The following ATP1A1 variants were observed in gnomAD, a reference collection of about 807,000 sequenced individuals.
ATP1A1 encodes the protein sodium/potassium-transporting ATPase subunit alpha-1.
A neutral mutation model predicts 114.8 loss-of-function variants in ATP1A1; 14 were observed. The observed-to-expected ratio is 0.12, with a 90% confidence interval of 0.08 to 0.19. ATP1A1 has a LOEUF of 0.19. Ranked by LOEUF, ATP1A1 falls within the 10% of genes least tolerant of loss-of-function variation. ATP1A1 has a pLI of 1.00. For missense variants in ATP1A1, 524 were observed against 1,290.7 expected (o/e 0.41, Z 9.10); for synonymous variants, 471 against 466.3 (o/e 1.01, Z -0.13).
In ATP1A1 at chr1:116,387,217, G is replaced by C; in HGVS notation, c.184-71G>C. ...CTTAAATCCTTATTGCAACCGTCCAGCTACCAGGTAGGTATATTGCCTTGT... is the reference window on the plus strand; with the variant it reads ...CTTAAATCCTTATTGCAACCGTCCACCTACCAGGTAGGTATATTGCCTTGT... On this transcript the variant is annotated intron_variant, in intron 3 of 22. Coordinates refer to ENST00000295598, the MANE Select transcript of ATP1A1 (RefSeq NM_000701.8). This position sits in a 1 kb window ranked among gnomAD's most constrained non-coding sequence, Gnocchi z 6.7. 1 of 1,550,238 alleles carries C rather than the reference G, an allele frequency of 6.5e-7. No individual in the cohort carries two copies. The highest frequency in any genetic ancestry group is 8.9e-7 in the Non-Finnish European group (1 of 1,129,772).
At position 116,404,739 on chromosome 1, in the gene ATP1A1, G is replaced by T; in HGVS notation, c.*295G>T. The T allele has an allele frequency of 8.4e-7, 1 of 1,184,038 alleles. No individual in the cohort carries two copies. Among genetic ancestry groups the T allele is most frequent in the Non-Finnish European group, 1.0e-6 (1 of 959,304 alleles). 73.3% of individuals were successfully genotyped at this position (1,184,038 alleles called of 1,614,324 possible). A position where few individuals can be genotyped will look rare whatever the true frequency, so the allele number is the denominator to read the frequency against. On this transcript the variant is annotated 3_prime_UTR_variant, in exon 23 of 23. Transcript: ENST00000295598. This position sits in a 1 kb window ranked among gnomAD's most constrained non-coding sequence, Gnocchi z 4.8. ...GACTGAAAGAATACATTTTATATCT[G>T]GATTTTTACAAATAAAGATGGCTAT...
chr1:116,403,953 C>A lies in ATP1A1; in HGVS notation c.3021C>A (p.Leu1007=). The A allele has an allele frequency of 2.5e-6, 4 of 1,614,226 alleles. No individual in the cohort carries two copies. In the South Asian group the frequency reaches 4.4e-5, roughly 18 times the overall value. Residue 1007 remains leucine, a synonymous_variant, in exon 22 of 23, where the codon CTC becomes CTA. Transcript: ENST00000295598. ...LIFVYDEVRK[L]IIRRRPGGWV... ...TCGTATATGACGAAGTCAGAAAACT[C>A]ATCATCAGGCGACGCCCTGGCGGTA... is the stretch of plus-strand genomic sequence containing the variant.
At position 116,395,327 on chromosome 1, in the gene ATP1A1, T is replaced by C; in HGVS notation, c.1836+42T>C. ...TCCTTGGCTTCATCTCTTAGTGCCT[T>C]GGGACACCCTACTCAGTGAATGTTG... On this transcript the variant is annotated intron_variant, in intron 13 of 22. Coordinates refer to ENST00000295598, the MANE Select transcript of ATP1A1 (RefSeq NM_000701.8). This position sits in a 1 kb window ranked among gnomAD's most constrained non-coding sequence, Gnocchi z 6.4. 1 of 1,602,966 alleles carries C rather than the reference T, an allele frequency of 6.2e-7. No individual in the cohort carries two copies. Among genetic ancestry groups the C allele is most frequent in the Non-Finnish European group, 8.5e-7 (1 of 1,174,310 alleles).
chr1:116,393,849 G>A lies in ATP1A1; in HGVS notation c.1660+126G>A, dbSNP rs1652676069. On this transcript the variant is annotated intron_variant, in intron 12 of 22. Coordinates refer to ENST00000295598, the MANE Select transcript of ATP1A1 (RefSeq NM_000701.8). This position sits in a 1 kb window ranked among gnomAD's most constrained non-coding sequence, Gnocchi z 5.0. Reference sequence around the variant, plus strand: ...GTTGACCTTCCTCTACATCTTTTAGGGGCAATCCTCCTATTTGTTTATTTG... The same window carrying A: ...GTTGACCTTCCTCTACATCTTTTAGAGGCAATCCTCCTATTTGTTTATTTG... 3.3e-6 allele frequency: 3 copies of A among 918,564 alleles called. No homozygotes were observed. The highest frequency in any genetic ancestry group is 6.0e-5 in the Admixed American group (2 of 33,130). 56.9% of individuals were successfully genotyped at this position (918,564 alleles called of 1,614,324 possible).
chr1:116,396,738 A>C lies in ATP1A1; in HGVS notation c.1973+4A>C. ...CAGTCAGCCAGGTGAACCCCAGGTA[A>C]GGCAGGAAGCTCAAATCACAGTCTG... On this transcript the variant is annotated splice_donor_region_variant and intron_variant, in intron 14 of 22. Transcript: ENST00000295598. 6.4e-7 allele frequency: 1 copy of C among 1,567,964 alleles called. No homozygotes were observed. The highest frequency in any genetic ancestry group is 8.7e-7 in the Non-Finnish European group (1 of 1,154,392).
chr1:116,384,080 A>C lies in ATP1A1; in HGVS notation c.79A>C (p.Lys27Gln), dbSNP rs906254720. 29 of 1,613,982 alleles carry C rather than the reference A, an allele frequency of 1.8e-5. No homozygotes were observed. The highest frequency in any genetic ancestry group is 2.3e-5 in the Non-Finnish European group (27 of 1,179,970). Reference protein sequence around the residue: ...EQGDKKGKKGKKDRDMDELKK... With the variant: ...EQGDKKGKKGQKDRDMDELKK... ...AGGTGATAAAAAGGGCAAAAAGGGC[A>C]AAAAAGACAGGGACATGGATGAACT... is the stretch of plus-strand genomic sequence containing the variant. Residue 27 changes from lysine to glutamine, a missense_variant, in exon 2 of 23, where the codon AAA (lysine) becomes CAA (glutamine). By Grantham distance (53) the Lys-to-Gln change is moderately conservative (BLOSUM62 1). Coordinates refer to ENST00000295598, the MANE Select transcript of ATP1A1 (RefSeq NM_000701.8). This position sits in a 1 kb window ranked among gnomAD's most constrained non-coding sequence, Gnocchi z 5.1.
intron 1 of ATP1A1, chr1:116,374,080 G>C (rs1651188034): frequency 3.5e-6 from 5 of 1,426,390 alleles, no homozygotes; most frequent in Non-Finnish European, 4.6e-6. Flanking sequence ...CAGCCTCCGG[G>C]TTCGGGGCTC....
chr1:116,376,807 G>T (rs1037633896), intron 1 of ATP1A1, among the ~76,000 whole-genome samples: 7 of 152,168 alleles, frequency 4.6e-5, no homozygotes, highest in Non-Finnish European at 1.0e-4. Context: ...AAAAAAAGAT[G>T]CCTTTAAAAA....
intron 1 of ATP1A1, among the ~76,000 whole-genome samples, 189 bp from the exon 2 acceptor site, chr1:116,383,825 T>G (rs1384725417): frequency 2.6e-5 from 4 of 152,224 alleles, no homozygotes; most frequent in Non-Finnish European, 4.4e-5. Flanking sequence ...CTTGAGCCAA[T>G]GTATTAATAG....
intron 1 of ATP1A1, chr1:116,374,045 G>A (rs1269307767): frequency 7.1e-7 from 1 of 1,401,234 alleles, no homozygotes. Context: ...CTCCGTTCCC[G>A]CCGCGGCCCC....
chr1:116,381,177 T>G lies in ATP1A1; in HGVS notation c.13-2837T>G, dbSNP rs1403274067. 6.6e-6 allele frequency among the ~76,000 whole-genome samples: 1 copy of G among 152,198 alleles called. No homozygotes were observed. Among genetic ancestry groups the G allele is most frequent in the Non-Finnish European group, 1.5e-5 (1 of 68,030 alleles). On this transcript the variant is annotated intron_variant, in intron 1 of 22. Transcript: ENST00000295598. The surrounding 1 kb of genome is among the most constrained non-coding windows in gnomAD (Gnocchi z 5.1). ...GCCCAGATGAGTGGGAAGATTACTG[T>G]AGTTGATTGAGGAAATGCCGTATTT...
At position 116,397,887 on chromosome 1, in the gene ATP1A1, G is replaced by T; in HGVS notation, c.1974-1G>T. The T allele has an allele frequency of 6.3e-7, 1 of 1,591,168 alleles. No individual in the cohort carries two copies. ...TTTTTTTTTTTTTGTCCTAATTCTA[G>T]GGATGCCAAGGCCTGCGTAGTACAC... On this transcript the variant is annotated splice_acceptor_variant, in intron 14 of 22. Transcript: ENST00000295598. LOFTEE classifies it high-confidence loss of function. This position sits in a 1 kb window ranked among gnomAD's most constrained non-coding sequence, Gnocchi z 4.2.
chr1:116,384,889 A>T lies in ATP1A1; in HGVS notation c.183+47A>T. On this transcript the variant is annotated intron_variant, in intron 3 of 22. Coordinates refer to ENST00000295598, the MANE Select transcript of ATP1A1 (RefSeq NM_000701.8). The surrounding 1 kb of genome is among the most constrained non-coding windows in gnomAD (Gnocchi z 5.1). ...GTTGTACAAAATCCTAGTTTTCCGT[A>T]TTATATTTTCCCCTGTATTACATAC... 6.3e-7 allele frequency: 1 copy of T among 1,587,546 alleles called. No individual in the cohort carries two copies. The highest frequency in any genetic ancestry group is 8.6e-7 in the Non-Finnish European group (1 of 1,156,098).
Position 116,399,607 on chromosome 1 carries a change from T to G in ATP1A1, c.2572+64T>G, listed in dbSNP as rs992835463. On this transcript the variant is annotated intron_variant, in intron 18 of 22. Transcript: ENST00000295598. This position sits in a 1 kb window ranked among gnomAD's most constrained non-coding sequence, Gnocchi z 5.0. Reference sequence around the variant, plus strand: ...GGCATCTGAGGTGATGGTGTCCACCTCAGGTTGAGGTTGATTTCAGAGACT... The same window carrying G: ...GGCATCTGAGGTGATGGTGTCCACCGCAGGTTGAGGTTGATTTCAGAGACT... The G allele has an allele frequency of 3.7e-5, 59 of 1,600,086 alleles. No individual in the cohort carries two copies. Among genetic ancestry groups the G allele is most frequent in the Non-Finnish European group, 4.9e-5 (57 of 1,172,478 alleles).
At position 116,393,472 on chromosome 1, in the gene ATP1A1, C is replaced by A. The variant is rs1463627052; in HGVS notation, c.1468-59C>A. Reference sequence around the variant, plus strand: ...AAATAGTAAGTGAAGCTTTGTTTTCCACCATGGACTGCCACACATCCAACC... The same window carrying A: ...AAATAGTAAGTGAAGCTTTGTTTTCAACCATGGACTGCCACACATCCAACC... On this transcript the variant is annotated intron_variant, in intron 11 of 22. Transcript: ENST00000295598. This position sits in a 1 kb window ranked among gnomAD's most constrained non-coding sequence, Gnocchi z 5.0. 6.6e-6 allele frequency: 10 copies of A among 1,518,680 alleles called. No individual in the cohort carries two copies. The highest frequency in any genetic ancestry group is 2.6e-5 in the South Asian group (2 of 77,784). The allele number at this position is 1,518,680 out of a possible 1,614,324, so 94.1% of individuals were successfully genotyped here. A position where few individuals can be genotyped will look rare whatever the true frequency, so the allele number is the denominator to read the frequency against.
chr1:116,387,526 ACAC>A lies in ATP1A1; in HGVS notation c.387+36_387+38del, dbSNP rs1652180308. 5 of 1,605,192 alleles carry A rather than the reference ACAC, an allele frequency of 3.1e-6. No individual in the cohort carries two copies. The highest frequency in any genetic ancestry group is 4.3e-6 in the Non-Finnish European group (5 of 1,172,382). On this transcript the variant is annotated intron_variant, in intron 4 of 22. Transcript: ENST00000295598. This position sits in a 1 kb window ranked among gnomAD's most constrained non-coding sequence, Gnocchi z 6.7. ...GTAATTCAGCATATGGATTTGTAGT[ACAC>A]ATCAGATATCTTCTCCGTCTTTGTC...
At chr1:116,374,449 A>G (rs907858171) in intron 1 of ATP1A1, among the ~76,000 whole-genome samples, 4 of 152,108 alleles carry the variant, frequency 2.6e-5, no homozygotes, top group African/African-American at 9.7e-5. Context: ...GGTGGTAGGA[A>G]TCTCTGCCGG....
chr1:116,404,508 T>C lies in ATP1A1; in HGVS notation c.*64T>C. The C allele has an allele frequency of 3.2e-6, 5 of 1,562,854 alleles. No individual in the cohort carries two copies. Among genetic ancestry groups the C allele is most frequent in the Non-Finnish European group, 4.3e-6 (5 of 1,160,666 alleles). ...CTCTGCATCCGACACCCACCCCCTC[T>C]TTGTGTACTTCAGTCTTGGAGTTTG... is the stretch of plus-strand genomic sequence containing the variant. On this transcript the variant is annotated 3_prime_UTR_variant, in exon 23 of 23. Transcript: ENST00000295598. This position sits in a 1 kb window ranked among gnomAD's most constrained non-coding sequence, Gnocchi z 4.8.
Position 116,401,083 on chromosome 1 carries a change from C to T in ATP1A1, c.2719-47C>T, listed in dbSNP as rs192890533. ...AGACTGAGGCCACACTGCCACCAGC[C>T]ATGCAGGTGAAGAGCCAGAGCTCAT... On this transcript the variant is annotated intron_variant, in intron 19 of 22. Coordinates refer to ENST00000295598, the MANE Select transcript of ATP1A1 (RefSeq NM_000701.8). This position sits in a 1 kb window ranked among gnomAD's most constrained non-coding sequence, Gnocchi z 4.7. The T allele has an allele frequency of 2.7e-4, 430 of 1,612,538 alleles. 2 individuals carry two copies. The highest frequency in any genetic ancestry group is 6.3e-5 in the Non-Finnish European group (74 of 1,178,582).
Sources: allele counts gnomAD v4.1 joint callset (sites outside exome capture counted in the v4.1 genomes callset), GRCh38; gene constraint gnomAD v4.1.1; non-coding constraint Gnocchi (gnomAD v3.1); transcripts MANE v1.5; gene names NCBI Gene and HGNC (gene_info 2026-07-23, HGNC 2026-07-21).